The following FRY variants were observed in gnomAD, a reference collection of about 807,000 sequenced individuals.
FRY encodes the protein FRY microtubule binding protein, also known as protein furry homolog.
A neutral mutation model predicts 348.4 loss-of-function variants in FRY; 128 were observed. That is an observed-to-expected ratio of 0.37 (90% CI 0.32 to 0.43). The LOEUF is 0.43. FRY is among the 20% of genes least tolerant of loss of function. The pLI is 1.00. For synonymous variants in FRY, 1,370 were observed against 1,374.7 expected (o/e 1.00, Z 0.08); for missense variants, 2,736 against 3,695.2 (o/e 0.74, Z 6.73).
At chr13:32,288,859 A>T (rs1039656450) in intron 58 of FRY, among the ~76,000 whole-genome samples, 2 of 152,208 alleles carry the variant, frequency 1.3e-5, no homozygotes, top group African/African-American at 2.4e-5. Context: ...GGCAAAGTGT[A>T]GAGGGTACAG....
chr13:32,054,507 C>T (rs1373019839), intron 1 of FRY, among the ~76,000 whole-genome samples: 2 of 152,038 alleles, frequency 1.3e-5, no homozygotes, highest in African/African-American at 4.8e-5. Context: ...ATATCAAGTA[C>T]GTAGATTTCT....
At chr13:32,230,330 C>T (rs1885839039) in intron 40 of FRY, among the ~76,000 whole-genome samples, 1 of 152,206 alleles carries the variant, frequency 6.6e-6, no homozygotes. Flanking sequence ...ATTTGGTTGT[C>T]TGTTCCTGCG....
intron 57 of FRY, among the ~76,000 whole-genome samples, chr13:32,277,419 A>G (rs1888584212): frequency 6.6e-6 from 1 of 152,176 alleles, no homozygotes; most frequent in South Asian, 2.1e-4. Flanking sequence ...TATGTGTCCA[A>G]CAATCTGCTA....
chr13:32,212,354 A>G lies in FRY; in HGVS notation c.4654A>G (p.Asn1552Asp), dbSNP rs779596927. 6.2e-7 allele frequency: 1 copy of G among 1,607,172 alleles called. No homozygotes were observed. The highest frequency in any genetic ancestry group is 1.3e-5 in the African/African-American group (1 of 74,714). ...GQENFPDAEE[N>D]KILKESDERF... ...GGAAAATTTCCCAGATGCTGAGGAG[A>G]ACAAGATATTGAAAGAATCTGATGA... The change falls in exon 35 of 61, where the codon AAC becomes GAC. Residue 1552 changes from asparagine (N) to aspartate (D), a missense_variant. By Grantham distance (23) the Asn-to-Asp change is conservative. Around this residue, in one of 9 missense-constraint regions of FRY, gnomAD observed 794 missense variants for 977.0 expected, o/e 0.81. Coordinates refer to ENST00000542859, the MANE Select transcript of FRY (RefSeq NM_023037.3).
At chr13:32,158,248 C>G (rs1372787174) in intron 16 of FRY, among the ~76,000 whole-genome samples, 2 of 152,074 alleles carry the variant, frequency 1.3e-5, no homozygotes, top group Non-Finnish European at 2.9e-5. Flanking sequence ...AAATAAAAGC[C>G]TCCTCAGAGC....
chr13:32,210,850 CT>C lies in FRY; in HGVS notation c.4423-10del. 6.2e-7 allele frequency: 1 copy of C among 1,612,126 alleles called. No individual in the cohort carries two copies. Among genetic ancestry groups the C allele is most frequent in the Non-Finnish European group, 8.5e-7 (1 of 1,178,436 alleles). ...GGCTCTGTGAAACATCCCTTGTTTT[CT>C]TTTTTCCTTCTCAGATTAAAAAAGT... On this transcript the variant is annotated splice_polypyrimidine_tract_variant and intron_variant, in intron 33 of 60. Transcript: ENST00000542859.
intron 19 of FRY, among the ~76,000 whole-genome samples, chr13:32,175,154 T>C (rs1007324924): frequency 3.3e-5 from 5 of 152,224 alleles, no homozygotes; most frequent in Non-Finnish European, 5.9e-5. Context: ...ATCAATGACT[T>C]AAAATAAGTA....
At chr13:32,222,335 C>T (rs569260191) in intron 36 of FRY, among the ~76,000 whole-genome samples, 3 of 152,296 alleles carry the variant, frequency 2.0e-5, no homozygotes. Flanking sequence ...GCCTTAAAGG[C>T]CACGGGTGTG....
At chr13:32,109,712 A>G (rs1258591978) in intron 3 of FRY, among the ~76,000 whole-genome samples, 2 of 152,114 alleles carry the variant, frequency 1.3e-5, no homozygotes, top group East Asian at 3.9e-4. Context: ...AGAGGAAACT[A>G]TACTTGGGGG....
At chr13:32,053,809 T>A (rs564371026) in intron 1 of FRY, among the ~76,000 whole-genome samples, 2 of 152,102 alleles carry the variant, frequency 1.3e-5, no homozygotes, top group East Asian at 3.9e-4. Context: ...GTAGAACAGG[T>A]TGTGGGGATG....
At chr13:32,199,499 G>T (rs566394276) in intron 29 of FRY, among the ~76,000 whole-genome samples, 76 of 152,294 alleles carry the variant, frequency 5.0e-4, no homozygotes, top group Non-Finnish European at 9.1e-4. Context: ...GCAAATGTCT[G>T]TATATAGACT....
chr13:32,161,516 C>T (rs562010446), intron 17 of FRY, among the ~76,000 whole-genome samples: 16 of 152,272 alleles, frequency 1.1e-4, no homozygotes, highest in African/African-American at 3.9e-4. Flanking sequence ...ATATACAATA[C>T]ATGATTCGTG....
At chr13:32,117,906 C>T (rs117590290) in intron 4 of FRY, among the ~76,000 whole-genome samples, 10 of 152,320 alleles carry the variant, frequency 6.6e-5, no homozygotes, top group East Asian at 1.9e-4. Context: ...GTAGTCCTGG[C>T]GCTGCCACTA....
At position 32,286,747 on chromosome 13, in the gene FRY, C is replaced by CA. The variant is rs6144991; in HGVS notation, c.8470-2849dup. ...GGGGAGACAGAGCAAGACTCTGTCT[C>CA]AAAAAAAAAAAAAAAAAAAAAAAAA... On this transcript the variant is annotated intron_variant, in intron 58 of 60. Coordinates refer to ENST00000542859, the MANE Select transcript of FRY (RefSeq NM_023037.3). 2.0e-3 allele frequency among the ~76,000 whole-genome samples: 153 copies of CA among 77,500 alleles called. 31 individuals are homozygous for CA. The highest frequency in any genetic ancestry group is 0.015 in the East Asian group (14 of 956). The allele number at this position is 77,500 out of a possible 152,430, so 50.8% of individuals were successfully genotyped here. A position where few individuals can be genotyped will look rare whatever the true frequency, so the allele number is the denominator to read the frequency against.
intron 11 of FRY, 146 bp downstream of exon 11, chr13:32,137,118 G>T: frequency 1.5e-6 from 1 of 659,948 alleles, no homozygotes; most frequent in Non-Finnish European, 2.7e-6. Flanking sequence ...ATTAATAAGA[G>T]TTCTTATTAA....
chr13:32,049,169 G>A (rs1192179473), intron 1 of FRY, among the ~76,000 whole-genome samples: 1 of 152,210 alleles, frequency 6.6e-6, no homozygotes, highest in Non-Finnish European at 1.5e-5. Context: ...TTAAGAGGGA[G>A]GGAAGAGGCT....
At chr13:32,274,529 C>T (rs940464943) in intron 55 of FRY, among the ~76,000 whole-genome samples, 19 of 151,476 alleles carry the variant, frequency 1.3e-4, no homozygotes, top group South Asian at 4.2e-4. Flanking sequence ...ACAGTGAAAC[C>T]CCGTCTCTAC....
At chr13:32,281,233 C>T (rs558424607) in intron 58 of FRY, among the ~76,000 whole-genome samples, 13 of 152,280 alleles carry the variant, frequency 8.5e-5, no homozygotes, top group Admixed American at 2.6e-4. Flanking sequence ...ACTGTACACA[C>T]GTAATCTCAT....
In FRY at chr13:32,124,231, A is replaced by G. The variant is rs1212777439; in HGVS notation, c.465-55A>G. ...GAGTCCTAGATTTTTTATGAATTGT[A>G]TTACTCTGAGAATACCTTCAGTGTG... On this transcript the variant is annotated intron_variant, in intron 4 of 60. Transcript: ENST00000542859. The G allele has an allele frequency of 5.7e-6, 6 of 1,055,972 alleles. No individual in the cohort carries two copies. In the East Asian group the frequency reaches 9.6e-5, roughly 17 times the overall value. 65.4% of individuals were successfully genotyped at this position (1,055,972 alleles called of 1,614,324 possible). A position where few individuals can be genotyped will look rare whatever the true frequency, so the allele number is the denominator to read the frequency against.
Sources: allele counts gnomAD v4.1 joint callset (sites outside exome capture counted in the v4.1 genomes callset), GRCh38; gene constraint gnomAD v4.1.1; regional missense constraint gnomAD v4.1.1; transcripts MANE v1.5; gene names NCBI Gene and HGNC (gene_info 2026-07-23, HGNC 2026-07-21).